Variants in RCSD1 observed in about 807,000 individuals in gnomAD.
RCSD1 encodes the protein capZ-interacting protein.
Under a neutral mutation model 42.5 loss-of-function variants are expected in RCSD1, and 26 were observed. The observed-to-expected ratio is 0.61, with a 90% CI of 0.45 to 0.85. RCSD1 has a LOEUF of 0.85. Among genes scored for constraint, RCSD1 ranks in the 40% least tolerant of loss-of-function variants. The probability of loss-of-function intolerance (pLI) is 0.00; values close to 1 mark genes in which losing one functional copy is unlikely to be tolerated. For missense variants in RCSD1, 571 were observed against 528.3 expected, an observed-to-expected ratio of 1.08 and a Z score of -0.79; for synonymous variants, 220 against 212.2, an observed-to-expected ratio of 1.04 and a Z score of -0.32.
intron 1 of RCSD1, among the ~76,000 whole-genome samples, chr1:167,646,552 G>A (rs1052558181): frequency 4.7e-5 from 7 of 150,262 alleles, no homozygotes; most frequent in Admixed American, 1.3e-4. Flanking sequence ...TTTAAGTTCC[G>A]GGATACATGC....
intron 3 of RCSD1, among the ~76,000 whole-genome samples, chr1:167,688,226 C>A (rs569158236): frequency 6.6e-6 from 1 of 152,276 alleles, no homozygotes; most frequent in East Asian, 1.9e-4. Flanking sequence ...GTTTAAGGGG[C>A]AGGGTCCACT....
chr1:167,695,538 ATT>A (rs34867466), intron 5 of RCSD1, among the ~76,000 whole-genome samples: 5,014 of 141,044 alleles, frequency 0.036, 100 homozygotes, highest in Middle Eastern at 0.058. Context: ...TTACACACTA[ATT>A]TTTTTTTTTT....
intron 1 of RCSD1, among the ~76,000 whole-genome samples, chr1:167,647,721 A>G (rs1558074520): frequency 6.6e-6 from 1 of 152,240 alleles, no homozygotes; most frequent in African/African-American, 2.4e-5. Context: ...CCTGGGTGAC[A>G]GAGTAAGACC....
intron 1 of RCSD1, among the ~76,000 whole-genome samples, chr1:167,681,889 C>T (rs567475896): frequency 3.3e-5 from 5 of 152,284 alleles, no homozygotes; most frequent in Non-Finnish European, 5.9e-5. Context: ...GAGGGTAAAA[C>T]GTGTCAAGTC....
At chr1:167,677,893 T>A (rs1658989255) in intron 1 of RCSD1, among the ~76,000 whole-genome samples, 1 of 152,234 alleles carries the variant, frequency 6.6e-6, no homozygotes, top group African/African-American at 2.4e-5. Flanking sequence ...GAGGGGGGTA[T>A]GTCGCTTTTT....
At chr1:167,631,323 T>G (rs1657691329) in intron 1 of RCSD1, among the ~76,000 whole-genome samples, 1 of 152,180 alleles carries the variant, frequency 6.6e-6, no homozygotes, top group Non-Finnish European at 1.5e-5. Flanking sequence ...ACCTGGGGCT[T>G]TTGAGAAGAT....
chr1:167,642,556 G>A (rs1034529421), intron 1 of RCSD1, among the ~76,000 whole-genome samples: 3 of 152,178 alleles, frequency 2.0e-5, no homozygotes, highest in Non-Finnish European at 2.9e-5. Flanking sequence ...AAACATAAGC[G>A]TTAAGGGCAT....
intron 1 of RCSD1, among the ~76,000 whole-genome samples, chr1:167,637,730 CCACACACACA>C (rs66925392): frequency 1.3e-4 from 19 of 146,834 alleles, no homozygotes; most frequent in Admixed American, 6.1e-4. Flanking sequence ...TAGGAATAGA[CCACACACACA>C]CACACACACA....
intron 1 of RCSD1, among the ~76,000 whole-genome samples, chr1:167,665,695 T>C (rs1658640602): frequency 1.3e-5 from 2 of 152,250 alleles, no homozygotes; most frequent in Non-Finnish European, 1.5e-5. Context: ...CAGTCTTAAT[T>C]TGTGTTTACC....
intron 2 of RCSD1, among the ~76,000 whole-genome samples, chr1:167,684,479 T>C (rs1169832581): frequency 6.6e-6 from 1 of 152,098 alleles, no homozygotes; most frequent in African/African-American, 2.4e-5. Context: ...AGGAAGAGCG[T>C]CCGGTGACCA....
At chr1:167,670,357 G>A (rs79519228) in intron 1 of RCSD1, among the ~76,000 whole-genome samples, 1,084 of 131,854 alleles carry the variant, frequency 8.2e-3, no homozygotes, top group Middle Eastern at 0.016. Context: ...CTTTGCAAAA[G>A]AAAAAAAAAA....
intron 1 of RCSD1, among the ~76,000 whole-genome samples, chr1:167,652,417 A>G (rs1458696470): frequency 6.6e-6 from 1 of 152,140 alleles, no homozygotes; most frequent in Non-Finnish European, 1.5e-5. Context: ...CCCTTTAAAG[A>G]TGAAACCTCA....
chr1:167,634,939 A>AGTGTGTGT (rs1274809999), intron 1 of RCSD1, among the ~76,000 whole-genome samples: 7 of 74,488 alleles, frequency 9.4e-5, no homozygotes, highest in Admixed American at 1.3e-4. Flanking sequence ...TACTATGATG[A>AGTGTGTGT]GAGTGTGTGT....
At chr1:167,634,408 T>C (rs1162033516) in intron 1 of RCSD1, among the ~76,000 whole-genome samples, 1 of 151,550 alleles carries the variant, frequency 6.6e-6, no homozygotes, top group Admixed American at 6.6e-5. Flanking sequence ...AGTGTTTAGA[T>C]ATGTTGGTTT....
At chr1:167,679,565 G>A (rs1410917149) in intron 1 of RCSD1, among the ~76,000 whole-genome samples, 2 of 152,210 alleles carry the variant, frequency 1.3e-5, no homozygotes, top group African/African-American at 4.8e-5. Context: ...TTCAGTTCTG[G>A]AGGAGTGAAG....
At chr1:167,656,981 C>A (rs1330983534) in intron 1 of RCSD1, among the ~76,000 whole-genome samples, 1 of 152,202 alleles carries the variant, frequency 6.6e-6, no homozygotes, top group African/African-American at 2.4e-5. Context: ...CAGACTGGGA[C>A]ACATTTTGAA....
Position 167,690,059 on chromosome 1 carries a change from C to G in RCSD1, c.209C>G (p.Pro70Arg). ...TGATTTGCTCCATAGAAATCACCAC[C>G]CAATGCGAGCCACCCTCCTAAATTC... Reference protein sequence around the residue: ...LGQNGEEKSPPNASHPPKFKV... With the variant: ...LGQNGEEKSPRNASHPPKFKV... The change falls in exon 4 of 7, where the codon CCC becomes CGC. Residue 70 changes from proline to arginine, a missense_variant. Coordinates refer to ENST00000367854, the MANE Select transcript of RCSD1 (RefSeq NM_052862.4). 1 of 1,614,124 alleles carries G rather than the reference C, an allele frequency of 6.2e-7. No homozygotes were observed. Among genetic ancestry groups the G allele is most frequent in the Non-Finnish European group, 8.5e-7 (1 of 1,180,014 alleles).
At chr1:167,690,220 C>A in intron 4 of RCSD1, 100 bp downstream of exon 4, 1 of 1,040,622 alleles carries the variant, frequency 9.6e-7, no homozygotes, top group Non-Finnish European at 1.5e-6. Context: ...GCCTATGTGT[C>A]ACCTGCATAA....
chr1:167,642,617 G>A (rs578018064), intron 1 of RCSD1, among the ~76,000 whole-genome samples: 3 of 152,336 alleles, frequency 2.0e-5, no homozygotes, highest in East Asian at 1.9e-4. Context: ...CCAATTCCAT[G>A]GAGCATGCCA....
Sources: gnomAD v4.1 joint callset for allele counts (sites outside exome capture counted in the v4.1 genomes callset) on GRCh38, gnomAD v4.1.1 for gene constraint, MANE v1.5 for transcripts, NCBI Gene and HGNC (gene_info 2026-07-23, HGNC 2026-07-21) for gene names.